Variants in TMEM116 observed in about 807,000 individuals in gnomAD.
The protein encoded by TMEM116 is transmembrane protein 116.
TMEM116 carries 38 observed loss-of-function variants against 44.3 expected under a neutral mutation model. That is an observed-to-expected ratio of 0.86 (90% CI 0.66 to 1.12). TMEM116 has a LOEUF of 1.12. TMEM116 is among the 50% of genes most tolerant of loss of function. The probability of loss-of-function intolerance (pLI) is 0.00; values close to 1 mark genes in which losing one functional copy is unlikely to be tolerated. For missense variants in TMEM116, 354 were observed against 401.7 expected (o/e 0.88, Z 1.01); for synonymous variants, 132 against 144.8 (o/e 0.91, Z 0.64).
chr12:112,005,885 A>G lies in TMEM116; in HGVS notation c.-33-582T>C, dbSNP rs2077555338. 1.6e-5 allele frequency: 15 copies of G among 964,334 alleles called. No individual in the cohort carries two copies. In the South Asian group the frequency reaches 5.3e-4, roughly 34 times the overall value. The allele number at this position is 964,334 out of a possible 1,614,324, so 59.7% of individuals were successfully genotyped here. A position where few individuals can be genotyped will look rare whatever the true frequency, so the allele number is the denominator to read the frequency against. ...GTATGAAAAGAGATTGTGAGTGAAA[A>G]ATGCAGAACAGGAAAGAAGAAAGGG... On this transcript the variant is annotated intron_variant, in intron 1 of 10. Transcript: ENST00000552374.
chr12:111,984,731 G>A (rs897636533), intron 4 of TMEM116, among the ~76,000 whole-genome samples: 2 of 151,848 alleles, frequency 1.3e-5, no homozygotes, highest in African/African-American at 4.8e-5. Context: ...TTGAAGGGAT[G>A]GATAATCCCA....
At chr12:112,009,789 TG>T (rs749448636) in intron 1 of TMEM116, among the ~76,000 whole-genome samples, 3 of 150,386 alleles carry the variant, frequency 2.0e-5, no homozygotes, top group Non-Finnish European at 3.0e-5. Context: ...GAGGTTGCAG[TG>T]AGCTGAGATC....
chr12:111,955,501 G>C (rs959634893), intron 4 of TMEM116, among the ~76,000 whole-genome samples: 2 of 152,154 alleles, frequency 1.3e-5, no homozygotes, highest in African/African-American at 4.8e-5. Context: ...AAAAATCTGA[G>C]GTTTGACCAT....
At chr12:111,966,556 A>G (rs1334692516) in intron 4 of TMEM116, among the ~76,000 whole-genome samples, 1 of 152,214 alleles carries the variant, frequency 6.6e-6, no homozygotes, top group Non-Finnish European at 1.5e-5. Context: ...GGAACTACTC[A>G]GTTTTTAAAA....
intron 4 of TMEM116, among the ~76,000 whole-genome samples, chr12:111,947,184 T>A (rs2073354479): frequency 6.6e-6 from 1 of 151,998 alleles, no homozygotes; most frequent in Admixed American, 6.6e-5. Flanking sequence ...TTTTTTTTTT[T>A]TTTTGCTTTT....
Position 111,991,909 on chromosome 12 carries a change from C to T in TMEM116, c.79-20G>A, listed in dbSNP as rs1185447824. 1.3e-6 allele frequency: 2 copies of T among 1,531,850 alleles called. No individual in the cohort carries two copies. Among genetic ancestry groups the T allele is most frequent in the Middle Eastern group, 1.7e-4 (1 of 5,950 alleles). 94.9% of individuals were successfully genotyped at this position (1,531,850 alleles called of 1,614,324 possible). On this transcript the variant is annotated intron_variant, in intron 3 of 10. Transcript: ENST00000552374. Reference sequence around the variant, plus strand: ...TCTTATCTGTCAAAGTAATAAAATCCTCATTTCATATGTGATGTAGCTAGG... The same window carrying T: ...TCTTATCTGTCAAAGTAATAAAATCTTCATTTCATATGTGATGTAGCTAGG...
intron 3 of TMEM116, chr12:112,001,125 A>G: frequency 6.0e-6 from 1 of 165,700 alleles, no homozygotes; most frequent in Non-Finnish European, 1.3e-5. Flanking sequence ...CTCCCTACTC[A>G]AGAGCATCTC....
Position 111,999,618 on chromosome 12 carries a change from TTATATATACA to T in TMEM116, c.78+4172_78+4181del, listed in dbSNP as rs1327154202. The stretch of plus-strand genomic sequence containing the variant: ...CATCTCAAAAAAAAAATAAAATAAA[TTATATATACA>T]TATATATACACATGTATATAGTAAC... On this transcript the variant is annotated intron_variant, in intron 3 of 10. Transcript: ENST00000552374. Among the ~76,000 whole-genome samples the T allele has an allele frequency of 2.6e-5, 4 of 151,696 alleles. No individual in the cohort carries two copies. In the South Asian group the frequency reaches 8.3e-4, roughly 31 times the overall value.
rs929242032 is a variant in TMEM116, at chr12:111,958,259, C to A, written c.211-14890G>T. 2.5e-5 allele frequency among the ~76,000 whole-genome samples: 3 copies of A among 121,538 alleles called. No homozygotes were observed. In the Admixed American group the frequency reaches 2.8e-4, roughly 11 times the overall value. The allele number at this position is 121,538 out of a possible 152,430, so 79.7% of individuals were successfully genotyped here. On this transcript the variant is annotated intron_variant, in intron 4 of 10. Coordinates refer to ENST00000552374, the MANE Select transcript of TMEM116 (RefSeq NM_001193531.2). ...AATCCCCCTCTCCGAGAAACACCCA[C>A]GAATGATCAATAAATACTAAAAAAA...
At chr12:111,964,573 T>C (rs907179644) in intron 4 of TMEM116, among the ~76,000 whole-genome samples, 2 of 152,222 alleles carry the variant, frequency 1.3e-5, no homozygotes, top group Non-Finnish European at 2.9e-5. Flanking sequence ...AACCAAATTT[T>C]TTTTCCTGCT....
chr12:111,954,649 T>C (rs1184588961), intron 4 of TMEM116, among the ~76,000 whole-genome samples: 1 of 152,232 alleles, frequency 6.6e-6, no homozygotes, highest in East Asian at 1.9e-4. Flanking sequence ...CCAGGTCCGA[T>C]CGACTGCAAA....
At chr12:112,004,804 T>G (rs928391034) in intron 2 of TMEM116, among the ~76,000 whole-genome samples, 5 of 151,778 alleles carry the variant, frequency 3.3e-5, no homozygotes, top group Non-Finnish European at 7.4e-5. Context: ...TTTTTGTTTG[T>G]TTTGTTTTGT....
At chr12:112,013,206 G>GGAGCCCATTTTCCCGCCCGCAA, upstream of TMEM116, 1 of 432,644 alleles carries the variant, frequency 2.3e-6, no homozygotes. Context: ...CGCGCGCGCA[G>GGAGCCCATTTTCCCGCCCGCAA]GAGCCCATTT....
chr12:111,942,126 C>T (rs550157759), intron 5 of TMEM116, among the ~76,000 whole-genome samples: 5 of 151,192 alleles, frequency 3.3e-5, no homozygotes, highest in South Asian at 2.1e-4. Context: ...TTAGTAGAGA[C>T]GGGGTTTCTC....
At chr12:111,968,758 T>A (rs2075128557) in intron 4 of TMEM116, among the ~76,000 whole-genome samples, 1 of 151,826 alleles carries the variant, frequency 6.6e-6, no homozygotes, top group Non-Finnish European at 1.5e-5. Context: ...TTTGGGAGGC[T>A]GAGGCAGGTG....
At chr12:111,985,722 G>A (rs2076189433) in intron 4 of TMEM116, among the ~76,000 whole-genome samples, 1 of 152,092 alleles carries the variant, frequency 6.6e-6, no homozygotes, top group Non-Finnish European at 1.5e-5. Context: ...AGAGCCTCCA[G>A]AGTAGCTGGA....
Position 111,959,548 on chromosome 12 carries a change from C to T in TMEM116, c.211-16179G>A, listed in dbSNP as rs140476539. Among the ~76,000 whole-genome samples, 1,134 of 152,180 alleles carry T rather than the reference C, an allele frequency of 7.5e-3. 13 individuals are homozygous for T. Among genetic ancestry groups the T allele is most frequent in the African/African-American group, 0.026 (1,097 of 41,516 alleles). On this transcript the variant is annotated intron_variant, in intron 4 of 10. Coordinates refer to ENST00000552374, the MANE Select transcript of TMEM116 (RefSeq NM_001193531.2). The stretch of plus-strand genomic sequence containing the variant: ...AATGCCCCAATTAAAAGACACAGAC[C>T]GGCAAATTGGATAAAGAGTCAAGAC...
At chr12:111,969,665 C>T (rs1218410807) in intron 4 of TMEM116, among the ~76,000 whole-genome samples, 1 of 151,898 alleles carries the variant, frequency 6.6e-6, no homozygotes, top group African/African-American at 2.4e-5. Flanking sequence ...GCAAGCTCCG[C>T]CTCCCGGGTT....
At chr12:111,936,949 TTG>T (rs1159012778) in intron 7 of TMEM116, 119 bp from the exon 8 acceptor site, 2 of 1,165,258 alleles carry the variant, frequency 1.7e-6, no homozygotes, top group Non-Finnish European at 2.4e-6. Context: ...TCATAAAACC[TTG>T]TCTCTCCCCC....
Sources: allele counts gnomAD v4.1 joint callset (sites outside exome capture counted in the v4.1 genomes callset), GRCh38; gene constraint gnomAD v4.1.1; transcripts MANE v1.5; gene names NCBI Gene and HGNC (gene_info 2026-07-23, HGNC 2026-07-21).